Variants in ARNT2 observed in about 807,000 individuals in gnomAD.
The protein encoded by ARNT2 is ARNT protein 2.
Under a neutral mutation model 91.7 loss-of-function variants are expected in ARNT2, and 36 were observed. The observed-to-expected ratio is 0.39, with a 90% CI of 0.30 to 0.52. ARNT2 has a LOEUF of 0.52. Ranked by LOEUF, ARNT2 falls within the 20% of genes least tolerant of loss-of-function variation. ARNT2 has a pLI of 0.72. For missense variants in ARNT2, 775 were observed against 939.3 expected (o/e 0.83, Z 2.29); for synonymous variants, 365 against 347.1 (o/e 1.05, Z -0.57).
intron 16 of ARNT2, among the ~76,000 whole-genome samples, chr15:80,580,885 C>T (rs1028598179): frequency 2.6e-5 from 4 of 152,106 alleles, no homozygotes; most frequent in African/African-American, 9.7e-5. Flanking sequence ...ATGAAACCAC[C>T]AACCCTTGTG....
At chr15:80,585,237 A>G (rs1898874121) in intron 17 of ARNT2, among the ~76,000 whole-genome samples, 1 of 152,188 alleles carries the variant, frequency 6.6e-6, no homozygotes, top group South Asian at 2.1e-4. Flanking sequence ...GCCATTTGAA[A>G]TGTAGCATCC....
In ARNT2 at chr15:80,404,621, C is replaced by G. The variant is rs1317394628; in HGVS notation, c.31+75C>G. 3.1e-6 allele frequency: 3 copies of G among 960,014 alleles called. No individual in the cohort carries two copies. In the African/African-American group the frequency reaches 5.3e-5, roughly 17 times the overall value. 59.5% of individuals were successfully genotyped at this position (960,014 alleles called of 1,614,324 possible). A position where few individuals can be genotyped will look rare whatever the true frequency, so the allele number is the denominator to read the frequency against. ...CCGGGGCCGGAGCGGACCAGGCGCGCCGGGCGCCCCCGGGGGCGCGGAGCC... is the reference window on the plus strand; with the variant it reads ...CCGGGGCCGGAGCGGACCAGGCGCGGCGGGCGCCCCCGGGGGCGCGGAGCC... On this transcript the variant is annotated intron_variant, in intron 1 of 18. Transcript: ENST00000303329. This position sits in a 1 kb window ranked among gnomAD's most constrained non-coding sequence, Gnocchi z 5.5.
At chr15:80,492,155 C>T (rs900078226) in intron 5 of ARNT2, among the ~76,000 whole-genome samples, 1 of 152,094 alleles carries the variant, frequency 6.6e-6, no homozygotes, top group African/African-American at 2.4e-5. Flanking sequence ...ATCTTCCCAC[C>T]TTAGCCTCCT....
chr15:80,559,982 A>G (rs1898298812), intron 11 of ARNT2: 1 of 152,460 alleles, frequency 6.6e-6, no homozygotes, highest in Non-Finnish European at 1.5e-5. Context: ...CAGCCTCCCA[A>G]CATTGGCCCA....
At chr15:80,566,813 G>A (rs1898493289) in intron 12 of ARNT2, among the ~76,000 whole-genome samples, 1 of 152,034 alleles carries the variant, frequency 6.6e-6, no homozygotes, top group South Asian at 2.1e-4. Context: ...TTTTACCTTT[G>A]CCTTCTAGTC....
intron 5 of ARNT2, among the ~76,000 whole-genome samples, chr15:80,490,840 C>A (rs1897046843): frequency 6.6e-6 from 1 of 152,224 alleles, no homozygotes; most frequent in Admixed American, 6.5e-5. Context: ...CATCATGGAG[C>A]TTTACCCCAG....
intron 1 of ARNT2, among the ~76,000 whole-genome samples, chr15:80,410,784 CTATCTATCTATCTATCT>C (rs1382116101): frequency 8.6e-5 from 13 of 151,470 alleles, no homozygotes; most frequent in African/African-American, 3.2e-4. Context: ...ATCTATCTAT[CTATCTATCTATCTATCT>C]ATCTATCTAT....
At chr15:80,494,254 GT>G (rs1360557974) in intron 5 of ARNT2, among the ~76,000 whole-genome samples, 10 of 151,922 alleles carry the variant, frequency 6.6e-5, no homozygotes, top group Non-Finnish European at 1.3e-4. Context: ...CCCTTTTACT[GT>G]TTTTCTTCAT....
chr15:80,463,272 TG>T (rs1896588086), intron 3 of ARNT2, among the ~76,000 whole-genome samples: 1 of 152,158 alleles, frequency 6.6e-6, no homozygotes, highest in Non-Finnish European at 1.5e-5. Flanking sequence ...GATGGGTACG[TG>T]AGGTCCTTGT....
intron 5 of ARNT2, among the ~76,000 whole-genome samples, chr15:80,505,343 C>G (rs545408328): frequency 2.6e-5 from 4 of 152,190 alleles, no homozygotes; most frequent in African/African-American, 9.6e-5. Flanking sequence ...TTTCAGCCAT[C>G]CATCCAGAAA....
chr15:80,563,227 A>G lies in ARNT2; in HGVS notation c.1304A>G (p.Asn435Ser). 1 of 1,614,126 alleles carries G rather than the reference A, an allele frequency of 6.2e-7. No individual in the cohort carries two copies. Among genetic ancestry groups the G allele is most frequent in the African/African-American group, 1.3e-5 (1 of 75,034 alleles). ...SDEIEYIICT[N>S]TNVKQLQQQQ... ...GAGATTGAGTACATCATCTGCACCA[A>G]CACCAACGTCAAGTACGTACACTGC... is the stretch of plus-strand genomic sequence containing the variant. The change falls in exon 12 of 19, where the codon AAC becomes AGC. Residue 435 changes from asparagine to serine, a missense_variant. Around this residue, in one of 5 missense-constraint regions of ARNT2, gnomAD observed 325 missense variants for 359.9 expected, o/e 0.90. Coordinates refer to ENST00000303329, the MANE Select transcript of ARNT2 (RefSeq NM_014862.4).
chr15:80,422,110 G>A (rs1045097618), intron 1 of ARNT2, among the ~76,000 whole-genome samples: 1 of 152,136 alleles, frequency 6.6e-6, no homozygotes, highest in African/African-American at 2.4e-5. Context: ...GTAAGTTAGA[G>A]TTTCAGGTAG....
At chr15:80,500,902 T>C (rs76925981) in intron 5 of ARNT2, among the ~76,000 whole-genome samples, 160 of 152,358 alleles carry the variant, frequency 1.1e-3, no homozygotes, top group Non-Finnish European at 1.7e-3. Context: ...CTGCAGGAAG[T>C]ACTTTGTTGA....
intron 8 of ARNT2, among the ~76,000 whole-genome samples, chr15:80,520,143 G>A (rs559725498): frequency 7.2e-5 from 11 of 151,756 alleles, no homozygotes; most frequent in East Asian, 1.9e-4. Flanking sequence ...TTTCACATGC[G>A]CAAAATAGAC....
At chr15:80,504,037 A>G (rs184086155) in intron 5 of ARNT2, among the ~76,000 whole-genome samples, 1 of 152,348 alleles carries the variant, frequency 6.6e-6, no homozygotes, top group East Asian at 1.9e-4. Flanking sequence ...AATATGCTGC[A>G]GAGTGCAGCG....
chr15:80,554,220 C>T (rs1051620142), intron 10 of ARNT2, among the ~76,000 whole-genome samples: 4 of 152,114 alleles, frequency 2.6e-5, no homozygotes, highest in Non-Finnish European at 1.5e-5. Flanking sequence ...ACCAGCCTGA[C>T]CAACATGGTG....
chr15:80,518,523 C>G (rs1470476477), intron 8 of ARNT2, among the ~76,000 whole-genome samples: 1 of 152,098 alleles, frequency 6.6e-6, no homozygotes, highest in African/African-American at 2.4e-5. Flanking sequence ...TGGTGATCCT[C>G]CTGCCTTAGC....
At chr15:80,406,681 A>G (rs1595949292) in intron 1 of ARNT2, among the ~76,000 whole-genome samples, 1 of 152,306 alleles carries the variant, frequency 6.6e-6, no homozygotes, top group South Asian at 2.1e-4. Flanking sequence ...GGAGACTTGA[A>G]TGGTACAAGC....
At chr15:80,569,294 A>G (rs1596019160) in intron 12 of ARNT2, among the ~76,000 whole-genome samples, 1 of 151,724 alleles carries the variant, frequency 6.6e-6, no homozygotes, top group Non-Finnish European at 1.5e-5. Context: ...TTCACTTTCT[A>G]CTCCTCAGCC....
Sources: gnomAD v4.1 joint callset for allele counts (sites outside exome capture counted in the v4.1 genomes callset) on GRCh38, gnomAD v4.1.1 for gene constraint, gnomAD v4.1.1 regional missense constraint, Gnocchi (gnomAD v3.1) non-coding constraint, MANE v1.5 for transcripts, NCBI Gene and HGNC (gene_info 2026-07-23, HGNC 2026-07-21) for gene names.